ANKRD39: variants seen among roughly 807,000 people sequenced by gnomAD.
ANKRD39 encodes ankyrin repeat domain-containing protein 39.
Under a neutral mutation model 20.3 loss-of-function variants are expected in ANKRD39, and 18 were observed. The observed-to-expected ratio is 0.89, with a 90% CI of 0.61 to 1.32. ANKRD39 has a LOEUF of 1.32. Ranked by LOEUF, ANKRD39 falls within the 40% of genes most tolerant of loss-of-function variation. The probability of loss-of-function intolerance (pLI) is 0.00; values close to 1 mark genes in which losing one functional copy is unlikely to be tolerated. For synonymous variants in ANKRD39, 106 were observed against 111.9 expected (o/e 0.95, Z 0.33); for missense variants, 243 against 250.7 (o/e 0.97, Z 0.21).
At chr2:96,850,666 AAAAAC>A (rs931000143) in intron 3 of ANKRD39, among the ~76,000 whole-genome samples, 5 of 152,240 alleles carry the variant, frequency 3.3e-5, no homozygotes, top group South Asian at 4.1e-4. Flanking sequence ...CTCTATCTAA[AAAAAC>A]AAAACAAAAC....
In ANKRD39 at chr2:96,854,338, C is replaced by T. The variant is rs1331689168; in HGVS notation, c.204G>A (p.Leu68=). ...SQPDSAGYTA[L]HYASRNGHYA... ...GACCCTGTGCTCCTCCCTAGCTCAC[C>T]AGCGCAGTGTAGCCGGCCGAGTCGG... The change falls in exon 2 of 4, where the codon CTG becomes CTA. Residue 68 remains leucine (L), a splice_region_variant and synonymous_variant. Transcript: ENST00000393537. 1 of 1,613,956 alleles carries T rather than the reference C, an allele frequency of 6.2e-7. No homozygotes were observed. Among genetic ancestry groups the T allele is most frequent in the Non-Finnish European group, 8.5e-7 (1 of 1,179,924 alleles).
intron 1 of ANKRD39, among the ~76,000 whole-genome samples, chr2:96,856,857 C>G (rs918352525): frequency 1.3e-5 from 2 of 152,124 alleles, no homozygotes; most frequent in African/African-American, 4.8e-5. Context: ...GCAAGTCCAA[C>G]GGCCTTAACT....
chr2:96,854,444 G>T lies in ANKRD39; in HGVS notation c.101-3C>A, dbSNP rs1217072687. ...ATTCAGGGCTGCCGACCAGATTCCT[G>T]CAGAAAGGCAACCAAAGGACTGAAT... On this transcript the variant is annotated splice_region_variant and splice_polypyrimidine_tract_variant and intron_variant, in intron 1 of 3. Transcript: ENST00000393537. 1 of 1,614,014 alleles carries T rather than the reference G, an allele frequency of 6.2e-7. No individual in the cohort carries two copies. Among genetic ancestry groups the T allele is most frequent in the South Asian group, 1.1e-5 (1 of 91,050 alleles).
At chr2:96,855,702 G>A (rs62152863) in intron 1 of ANKRD39, among the ~76,000 whole-genome samples, 11,344 of 148,614 alleles carry the variant, frequency 0.076, 485 homozygotes, top group Middle Eastern at 0.18. Flanking sequence ...CAGCCTGGGC[G>A]ACAGAGCGAG....
chr2:96,856,827 C>T lies in ANKRD39; in HGVS notation c.100+1061G>A, dbSNP rs565410460. Among the ~76,000 whole-genome samples the T allele has an allele frequency of 6.8e-4, 104 of 152,298 alleles. 1 individual carries two copies. The highest frequency in any genetic ancestry group is 2.4e-3 in the African/African-American group (101 of 41,556). On this transcript the variant is annotated intron_variant, in intron 1 of 3. Transcript: ENST00000393537. The stretch of plus-strand genomic sequence containing the variant: ...GCTAGCTTAACGGTTGTAGGAAGTT[C>T]ATTCTAAGGAGATGGGACAGCAAGT...
intron 2 of ANKRD39, among the ~76,000 whole-genome samples, 174 bp downstream of exon 2, chr2:96,854,164 T>G (rs72811629): frequency 0.12 from 17,900 of 152,208 alleles, 1,392 homozygotes; most frequent in African/African-American, 0.22. Flanking sequence ...TGTAAAGGTC[T>G]CACACTAATT....
chr2:96,853,108 C>G (rs1333801887), intron 3 of ANKRD39, among the ~76,000 whole-genome samples: 1 of 152,142 alleles, frequency 6.6e-6, no homozygotes, highest in Admixed American at 6.5e-5. Flanking sequence ...AAGTGGACTA[C>G]AGGAACAGGC....
intron 1 of ANKRD39, 40 bp downstream of exon 1, chr2:96,857,848 G>A: frequency 6.5e-7 from 1 of 1,535,346 alleles, no homozygotes; most frequent in Non-Finnish European, 8.7e-7. Flanking sequence ...CCTTGGGCCG[G>A]GGCCTGGTGA....
At chr2:96,854,285 G>A (rs1006834886) in intron 2 of ANKRD39, 53 bp downstream of exon 2, 3 of 1,545,806 alleles carry the variant, frequency 1.9e-6, no homozygotes, top group Non-Finnish European at 2.7e-6. Context: ...GAGAGCAGGT[G>A]TCTCCTGAGT....
chr2:96,851,318 G>A (rs775529963), intron 3 of ANKRD39, among the ~76,000 whole-genome samples: 24 of 152,034 alleles, frequency 1.6e-4, no homozygotes, highest in Non-Finnish European at 2.8e-4. Flanking sequence ...TACCACGCCC[G>A]CCTAATTTTG....
intron 1 of ANKRD39, among the ~76,000 whole-genome samples, chr2:96,854,937 A>T (rs2079855576): frequency 6.6e-6 from 1 of 152,212 alleles, no homozygotes; most frequent in Non-Finnish European, 1.5e-5. Context: ...AACAACTTTT[A>T]AAAAATATAA....
chr2:96,848,186 T>C lies in ANKRD39; in HGVS notation c.*115A>G, dbSNP rs903769307. The C allele has an allele frequency of 2.1e-5, 31 of 1,459,354 alleles. No individual in the cohort carries two copies. In the Admixed American group the frequency reaches 2.5e-4, roughly 12 times the overall value. The allele number at this position is 1,459,354 out of a possible 1,614,324, so 90.4% of individuals were successfully genotyped here. ...TTCCACAGTGACCAGACTGGGGCTC[T>C]TCCTGGGTGGTCTGGCCTCAGTTCC... On this transcript the variant is annotated 3_prime_UTR_variant, in exon 4 of 4. Coordinates refer to ENST00000393537, the MANE Select transcript of ANKRD39 (RefSeq NM_016466.6).
intron 2 of ANKRD39, among the ~76,000 whole-genome samples, chr2:96,854,103 G>A (rs2153359926): frequency 1.3e-5 from 2 of 152,268 alleles, no homozygotes; most frequent in South Asian, 4.2e-4. Flanking sequence ...CTCCAGCCTG[G>A]GTAACAGAGC....
chr2:96,853,101 T>G (rs1347206258), intron 3 of ANKRD39, among the ~76,000 whole-genome samples: 1 of 152,148 alleles, frequency 6.6e-6, no homozygotes, highest in African/African-American at 2.4e-5. Flanking sequence ...ATATAGCAAG[T>G]GGACTACAGG....
At chr2:96,853,820 G>A (rs1466594744) in intron 2 of ANKRD39, among the ~76,000 whole-genome samples, 1 of 152,186 alleles carries the variant, frequency 6.6e-6, no homozygotes, top group Non-Finnish European at 1.5e-5. Flanking sequence ...TCAAAGAATT[G>A]TTACGAAAAT....
At chr2:96,849,662 TA>T (rs1195987399) in intron 3 of ANKRD39, among the ~76,000 whole-genome samples, 1 of 150,368 alleles carries the variant, frequency 6.7e-6, no homozygotes, top group Non-Finnish European at 1.5e-5. Flanking sequence ...AAAATAAAAA[TA>T]AAAAAAAATA....
chr2:96,855,136 C>A (rs1319206610), intron 1 of ANKRD39, among the ~76,000 whole-genome samples: 1 of 152,112 alleles, frequency 6.6e-6, no homozygotes, highest in Admixed American at 6.5e-5. Flanking sequence ...CAACAACTAG[C>A]AAATACAAGT....
At chr2:96,848,592 C>T (rs934125020) in intron 3 of ANKRD39, 148 bp from the exon 4 acceptor site, 9 of 1,012,230 alleles carry the variant, frequency 8.9e-6, no homozygotes, top group Non-Finnish European at 1.3e-5. Flanking sequence ...TTTGGGAGGC[C>T]AAGGCAGGCG....
intron 3 of ANKRD39, among the ~76,000 whole-genome samples, chr2:96,849,928 T>A: frequency 6.6e-6 from 1 of 152,254 alleles, no homozygotes. Context: ...TTAAGTGATT[T>A]ACATAGACTA....
Sources: allele counts gnomAD v4.1 joint callset (sites outside exome capture counted in the v4.1 genomes callset), GRCh38; gene constraint gnomAD v4.1.1; transcripts MANE v1.5; gene names NCBI Gene and HGNC (gene_info 2026-07-23, HGNC 2026-07-21).